CD99L2: variants seen among roughly 807,000 people sequenced by gnomAD.
CD99L2 encodes CD99 antigen-like protein 2.
CD99L2 carries 24 observed loss-of-function variants against 27.3 expected under a neutral mutation model. The observed-to-expected ratio is 0.88, with a 90% confidence interval of 0.64 to 1.24. CD99L2 has a LOEUF of 1.24. Ranked by LOEUF, CD99L2 falls within the 50% of genes most tolerant of loss-of-function variation. The pLI, the probability that CD99L2 is intolerant of heterozygous loss-of-function variation, is 0.00. For missense variants in CD99L2, 255 were observed against 221.6 expected, an observed-to-expected ratio of 1.15 and a Z score of -0.96; for synonymous variants, 97 against 87.9, an observed-to-expected ratio of 1.10 and a Z score of -0.58.
At chrX:150,794,468 T>A in intron 6 of CD99L2, among the ~76,000 whole-genome samples, 1 of 112,179 alleles carries the variant, frequency 8.9e-6, no homozygotes, top group Admixed American at 9.5e-5. Flanking sequence ...GTTTCTGATT[T>A]TTGTTATGCA....
In CD99L2 at chrX:150,793,720, C is replaced by G. The variant is rs782245993; in HGVS notation, c.467G>C (p.Gly156Ala). 3 of 1,197,803 alleles carry G rather than the reference C, an allele frequency of 2.5e-6. No homozygotes were observed. Among genetic ancestry groups the G allele is most frequent in the Admixed American group, 2.3e-5 (1 of 44,026 alleles). ...ACCCTTGTCAGGTTTGTATTCTCCA[C>G]CCCCTACTATGTCTTCAAGATCCTT... ...SDKDLEDIVG[G>A]GEYKPDKGKG... Residue 156 changes from glycine to alanine, a missense_variant, in exon 7 of 11, where the codon GGT becomes GCT. Transcript: ENST00000370377.
chrX:150,777,452 G>C lies in CD99L2; in HGVS notation c.527C>G (p.Pro176Arg). 8.3e-7 allele frequency: 1 copy of C among 1,211,839 alleles called. No homozygotes were observed. ...GDGRYGSNDDPGSGMVAEPGT... is the reference protein window; with the variant it reads ...GDGRYGSNDDRGSGMVAEPGT... ...AGGATTCAGAAACCCACCAGATCCA[G>C]GGTCGTCATTGCTGCCGTACCGGCC... Residue 176 changes from proline (P) to arginine (R), a missense_variant, in exon 8 of 11, where the codon CCT becomes CGT. Physicochemically the swap from Pro to Arg is moderately radical, Grantham distance 103. Coordinates refer to ENST00000370377, the MANE Select transcript of CD99L2 (RefSeq NM_031462.4).
At chrX:150,815,423 C>A (rs1156648524) in intron 3 of CD99L2, among the ~76,000 whole-genome samples, 3 of 111,930 alleles carry the variant, frequency 2.7e-5, no homozygotes, top group African/African-American at 9.8e-5. Context: ...AAAGGTAGCT[C>A]TCTACCGCAC....
chrX:150,798,049 G>A (rs1048708078), intron 4 of CD99L2, among the ~76,000 whole-genome samples: 3 of 79,353 alleles, frequency 3.8e-5, no homozygotes, highest in Admixed American at 1.4e-4. Flanking sequence ...CAAAAAAAAA[G>A]AAGAAGAAGA....
At chrX:150,793,195 G>A (rs1310596401) in intron 7 of CD99L2, among the ~76,000 whole-genome samples, 2 of 112,344 alleles carry the variant, frequency 1.8e-5, no homozygotes, top group African/African-American at 6.5e-5. Flanking sequence ...GCTAGGTGAA[G>A]TATACACATG....
At chrX:150,787,744 G>A (rs1326483915) in intron 7 of CD99L2, among the ~76,000 whole-genome samples, 3 of 77,936 alleles carry the variant, frequency 3.8e-5, no homozygotes, top group African/African-American at 9.3e-5. Flanking sequence ...GGGACCTGTC[G>A]TGGGATTGGG....
intron 1 of CD99L2, among the ~76,000 whole-genome samples, chrX:150,868,084 AAATAATAATAATAAT>A (rs781930485): frequency 2.4e-3 from 229 of 96,462 alleles, no homozygotes; most frequent in African/African-American, 8.2e-3. Flanking sequence ...TCCATCTCAA[AAATAATAATAATAAT>A]AATAATAATA....
Position 150,767,372 on chromosome X carries a change from T to A in CD99L2, c.*1662A>T, listed in dbSNP as rs1329363987. On this transcript the variant is annotated 3_prime_UTR_variant, in exon 11 of 11. Coordinates refer to ENST00000370377, the MANE Select transcript of CD99L2 (RefSeq NM_031462.4). ...TCATGGCACCACGCAGAGGCATTTC[T>A]GCAGTGCTGCAGGTCCCCCTTCAGC... The A allele has an allele frequency of 8.9e-6, 1 of 112,014 alleles. No individual in the cohort carries two copies. The highest frequency in any genetic ancestry group is 3.3e-5 in the African/African-American group (1 of 30,762). The allele number at this position is 112,014 out of a possible 1,213,427, so 9.2% of individuals were successfully genotyped here.
rs1158790525 is a variant in CD99L2, at chrX:150,896,002, G to A, written c.67+2520C>T. Among the ~76,000 whole-genome samples, 13 of 95,321 alleles carry A rather than the reference G, an allele frequency of 1.4e-4. No homozygotes were observed. The Admixed American group carries it at 1.5e-3, about 11-fold the overall frequency. The allele number at this position is 95,321 out of a possible 115,157, so 82.8% of individuals were successfully genotyped here. On this transcript the variant is annotated intron_variant, in intron 1 of 10. Transcript: ENST00000370377. ...GATCGCGCCACTGCACTCTAGTCTG[G>A]GCGACATAGCAAGACTCTGTTTCCA... is the stretch of plus-strand genomic sequence containing the variant.
At chrX:150,889,022 C>T (rs1371174093) in intron 1 of CD99L2, among the ~76,000 whole-genome samples, 4 of 112,910 alleles carry the variant, frequency 3.5e-5, no homozygotes, top group Non-Finnish European at 5.6e-5. Flanking sequence ...CAACGGCCTT[C>T]AACCTGGGAG....
intron 1 of CD99L2, among the ~76,000 whole-genome samples, chrX:150,890,411 G>A (rs1215244550): frequency 8.1e-5 from 9 of 111,663 alleles, no homozygotes; most frequent in African/African-American, 9.8e-5. Context: ...CCCGGGAGGC[G>A]GAGGTTGCAG....
In CD99L2 at chrX:150,887,407, C is replaced by T. The variant is rs188405012; in HGVS notation, c.67+11115G>A. ...GTTGCAGCGAGCTGAGAGTGCGCCA[C>T]TGCACTTCAGCCTGGGTGACAAGAG... On this transcript the variant is annotated intron_variant, in intron 1 of 10. Transcript: ENST00000370377. Among the ~76,000 whole-genome samples the T allele has an allele frequency of 2.4e-4, 26 of 108,881 alleles. No homozygotes were observed. In the East Asian group the frequency reaches 6.6e-3, roughly 27 times the overall value. The allele number at this position is 108,881 out of a possible 115,157, so 94.6% of individuals were successfully genotyped here. A position where few individuals can be genotyped will look rare whatever the true frequency, so the allele number is the denominator to read the frequency against.
At chrX:150,807,674 A>C (rs1387840446) in intron 4 of CD99L2, among the ~76,000 whole-genome samples, 1 of 111,623 alleles carries the variant, frequency 9.0e-6, no homozygotes, top group Admixed American at 9.5e-5. Flanking sequence ...AGATTATAAG[A>C]AAAAAAGGCA....
chrX:150,861,141 C>CAAAAAAAAAAA (rs782255590), intron 1 of CD99L2, among the ~76,000 whole-genome samples: 3 of 40,920 alleles, frequency 7.3e-5, no homozygotes, highest in African/African-American at 2.6e-4. Flanking sequence ...GACTCTGTCT[C>CAAAAAAAAAAA]AAAAAAAAAA....
chrX:150,795,825 C>T (rs2045788195), intron 4 of CD99L2, among the ~76,000 whole-genome samples: 1 of 111,798 alleles, frequency 8.9e-6, no homozygotes, highest in Non-Finnish European at 1.9e-5. Flanking sequence ...GCCTTGGTTC[C>T]ACCACTGTCA....
intron 4 of CD99L2, among the ~76,000 whole-genome samples, chrX:150,812,111 C>T (rs2046080329): frequency 9.0e-6 from 1 of 111,418 alleles, no homozygotes; most frequent in South Asian, 3.8e-4. Context: ...CAGTGAACCA[C>T]GATCATGCCA....
intron 1 of CD99L2, among the ~76,000 whole-genome samples, chrX:150,882,090 A>G (rs1383392287): frequency 9.0e-6 from 1 of 111,150 alleles, no homozygotes; most frequent in Non-Finnish European, 1.9e-5. Context: ...TGCTGGGATT[A>G]CAGGCGTGAG....
intron 9 of CD99L2, among the ~76,000 whole-genome samples, chrX:150,772,158 G>A (rs1011914829): frequency 5.3e-5 from 6 of 112,787 alleles, no homozygotes; most frequent in African/African-American, 1.9e-4. Context: ...CCCCACAAAC[G>A]TCTGCGGGAC....
At chrX:150,769,709 C>G (rs782210302) in intron 10 of CD99L2, among the ~76,000 whole-genome samples, 1 of 100,223 alleles carries the variant, frequency 1.0e-5, no homozygotes. Flanking sequence ...CTCCCCGACC[C>G]CAGCAAGCCT....
Sources: allele counts gnomAD v4.1 joint callset (sites outside exome capture counted in the v4.1 genomes callset), GRCh38; gene constraint gnomAD v4.1.1; transcripts MANE v1.5; gene names NCBI Gene and HGNC (gene_info 2026-07-23, HGNC 2026-07-21).